Variants in RAG1 observed in about 807,000 individuals in gnomAD.
The protein encoded by RAG1 is recombination activating 1.
Under a neutral mutation model 62.7 loss-of-function variants are expected in RAG1, and 35 were observed. The observed-to-expected ratio is 0.56, with a 90% CI of 0.43 to 0.74. The LOEUF (loss-of-function observed/expected upper bound fraction) is 0.74. RAG1 is among the 30% of genes least tolerant of loss of function. The pLI, the probability that RAG1 is intolerant of heterozygous loss-of-function variation, is 0.00. For missense variants in RAG1, 1,169 were observed against 1,278.6 expected (o/e 0.91, Z 1.31); for synonymous variants, 461 against 470.3 (o/e 0.98, Z 0.26).
intron 1 of RAG1, among the ~76,000 whole-genome samples, chr11:36,517,645 A>G (rs1860013859): frequency 6.6e-6 from 1 of 152,128 alleles, no homozygotes; most frequent in Admixed American, 6.5e-5. Flanking sequence ...CCTCTCTCAT[A>G]TGGTGTGGTC....
chr11:36,571,529 TTGCATAGTCC>T (rs1239918331), intron 1 of RAG1, among the ~76,000 whole-genome samples: 1 of 152,234 alleles, frequency 6.6e-6, no homozygotes, highest in Non-Finnish European at 1.5e-5. Flanking sequence ...TGTTTAACTC[TTGCATAGTCC>T]TGCATAGGGA....
chr11:36,530,665 A>C (rs1469632664), intron 2 of RAG1, among the ~76,000 whole-genome samples: 2 of 151,766 alleles, frequency 1.3e-5, no homozygotes, highest in African/African-American at 4.8e-5. Context: ...TTCTAGTTTA[A>C]CTTCATTTTA....
downstream of RAG1, among the ~76,000 whole-genome samples, chr11:36,540,219 T>C (rs899263618): frequency 2.0e-5 from 3 of 152,152 alleles, no homozygotes; most frequent in Non-Finnish European, 4.4e-5. Flanking sequence ...ACCTGCCTAC[T>C]GAAATTGCCT....
chr11:36,544,041 A>C (rs1202281089), intron 3 of RAG1, among the ~76,000 whole-genome samples: 1 of 152,212 alleles, frequency 6.6e-6, no homozygotes, highest in East Asian at 1.9e-4. Flanking sequence ...AACAAATTAT[A>C]TACATATGGA....
chr11:36,573,502 G>A lies in RAG1; in HGVS notation c.198G>A (p.Leu66=). Residue 66 remains leucine, a synonymous_variant, in exon 2 of 2, where the codon CTG becomes CTA. Transcript: ENST00000299440. ...CTCTGGAGCAATCTCCAGCAGTCCT[G>A]GACAAGGCTGATGGTCAGAAGCCAG... ...KPSLEQSPAV[L]DKADGQKPVP... 6.2e-7 allele frequency: 1 copy of A among 1,614,202 alleles called. No individual in the cohort carries two copies. Among genetic ancestry groups the A allele is most frequent in the Non-Finnish European group, 8.5e-7 (1 of 1,180,044 alleles).
At chr11:36,561,358 G>C (rs911033945) in intron 3 of RAG1, among the ~76,000 whole-genome samples, 2 of 152,172 alleles carry the variant, frequency 1.3e-5, no homozygotes, top group Admixed American at 6.5e-5. Context: ...GTCTTTGGAT[G>C]ACCTACTCTT....
At chr11:36,528,674 C>G (rs549583768) in intron 2 of RAG1, among the ~76,000 whole-genome samples, 2 of 151,762 alleles carry the variant, frequency 1.3e-5, no homozygotes, top group East Asian at 3.9e-4. Context: ...GATAGAGACA[C>G]AAAAAACCTT....
At chr11:36,568,286 G>A (rs2133287410) in intron 1 of RAG1, among the ~76,000 whole-genome samples, 164 bp downstream of exon 1, 1 of 152,162 alleles carries the variant, frequency 6.6e-6, no homozygotes, top group South Asian at 2.1e-4. Context: ...AGGTACAAGA[G>A]GCCAAGTTTA....
rs1178866423 is a variant in RAG1, at chr11:36,573,664, T to C, written c.360T>C (p.Ala120=). The C allele has an allele frequency of 1.2e-6, 2 of 1,614,032 alleles. No individual in the cohort carries two copies. Among genetic ancestry groups the C allele is most frequent in the Admixed American group, 1.7e-5 (1 of 59,992 alleles). The change falls in exon 2 of 2, where the codon GCT becomes GCC. Residue 120 remains alanine (A), a synonymous_variant. Coordinates refer to ENST00000299440, the MANE Select transcript of RAG1 (RefSeq NM_000448.3). ...LCRICGNSFR[A]DEHNRRYPVH... ...GCATCTGTGGGAATTCTTTTAGAGC[T>C]GATGAGCACAACAGGAGATATCCAG...
intron 2 of RAG1, among the ~76,000 whole-genome samples, chr11:36,525,878 T>C (rs1860154299): frequency 6.6e-6 from 1 of 152,200 alleles, no homozygotes; most frequent in African/African-American, 2.4e-5. Flanking sequence ...TTGTGTTTTG[T>C]ATGCTTTTCA....
chr11:36,529,183 C>T (rs1470947711), intron 2 of RAG1, among the ~76,000 whole-genome samples: 1 of 151,934 alleles, frequency 6.6e-6, no homozygotes, highest in East Asian at 1.9e-4. Context: ...GGCAGAGACA[C>T]AATAAAAAAA....
intron 1 of RAG1, among the ~76,000 whole-genome samples, chr11:36,570,302 T>C (rs1850721862): frequency 6.6e-6 from 1 of 152,226 alleles, no homozygotes; most frequent in African/African-American, 2.4e-5. Context: ...TCTTAATTTC[T>C]CCATGCCTTC....
chr11:36,517,520 T>C (rs1235230962), intron 1 of RAG1, among the ~76,000 whole-genome samples: 2 of 152,186 alleles, frequency 1.3e-5, no homozygotes, highest in Non-Finnish European at 2.9e-5. Context: ...GGAAGGTTTG[T>C]GTAAGTGTGT....
At position 36,575,149 on chromosome 11, in the gene RAG1, G is replaced by A; in HGVS notation, c.1845G>A (p.Gly615=). ...MGDVSEKHGS[G]PVVPEKAVRF... Reference sequence around the variant, plus strand: ...ACGTGAGTGAGAAGCATGGGAGTGGGCCTGTAGTTCCAGAAAAGGCAGTCC... The same window carrying A: ...ACGTGAGTGAGAAGCATGGGAGTGGACCTGTAGTTCCAGAAAAGGCAGTCC... Residue 615 remains glycine, a synonymous_variant, in exon 2 of 2, where the codon GGG becomes GGA. Transcript: ENST00000299440. This position sits in a 1 kb window ranked among gnomAD's most constrained non-coding sequence, Gnocchi z 4.1. 4 of 1,614,128 alleles carry A rather than the reference G, an allele frequency of 2.5e-6. No individual in the cohort carries two copies. Among genetic ancestry groups the A allele is most frequent in the Non-Finnish European group, 3.4e-6 (4 of 1,180,008 alleles).
upstream of RAG1, among the ~76,000 whole-genome samples, chr11:36,566,967 T>C (rs909358695): frequency 2.0e-5 from 3 of 152,336 alleles, no homozygotes; most frequent in Middle Eastern, 6.8e-3. Context: ...AAGGAATCTC[T>C]CACTTATTAG....
Position 36,573,311 on chromosome 11 carries a change from G to C in RAG1, c.7G>C (p.Ala3Pro). 6.2e-7 allele frequency: 1 copy of C among 1,614,144 alleles called. No individual in the cohort carries two copies. Among genetic ancestry groups the C allele is most frequent in the Non-Finnish European group, 8.5e-7 (1 of 1,180,020 alleles). The change falls in exon 2 of 2, where the codon GCC becomes CCC. Residue 3 changes from alanine (A) to proline (P), a missense_variant. By Grantham distance (27) the Ala-to-Pro change is conservative. This residue lies in a region of RAG1 where 369 missense variants were observed against 335.3 expected (regional missense o/e 1.10). Transcript: ENST00000299440. MA[A>P]SFPPTLGLSS... ...CTCAGGTACCTCAGCCAGCATGGCA[G>C]CCTCTTTCCCACCCACCTTGGGACT...
chr11:36,557,535 G>A (rs191152742), intron 3 of RAG1, among the ~76,000 whole-genome samples: 8 of 151,192 alleles, frequency 5.3e-5, no homozygotes, highest in Admixed American at 3.3e-4. Context: ...ACAGGAACCC[G>A]GTACCTCAGA....
chr11:36,547,163 A>G (rs111383540), intron 3 of RAG1, among the ~76,000 whole-genome samples: 10,186 of 152,232 alleles, frequency 0.067, 391 homozygotes, highest in Non-Finnish European at 0.078. Flanking sequence ...CTAAATGCCC[A>G]CAGGAGAAAG....
chr11:36,569,176 T>C (rs1056525608), intron 1 of RAG1, among the ~76,000 whole-genome samples: 2 of 152,136 alleles, frequency 1.3e-5, no homozygotes, highest in African/African-American at 2.4e-5. Context: ...ACTAATGATA[T>C]CACTCACCAG....
Sources: gnomAD v4.1 joint callset for allele counts (sites outside exome capture counted in the v4.1 genomes callset) on GRCh38, gnomAD v4.1.1 for gene constraint, gnomAD v4.1.1 regional missense constraint, Gnocchi (gnomAD v3.1) non-coding constraint, MANE v1.5 for transcripts, NCBI Gene and HGNC (gene_info 2026-07-23, HGNC 2026-07-21) for gene names.